Variants in PIAS4 observed in about 807,000 individuals in gnomAD.
The protein encoded by PIAS4 is protein inhibitor of activated STAT 4.
Under a neutral mutation model 58.0 loss-of-function variants are expected in PIAS4, and 7 were observed. The ratio of observed to expected loss-of-function variants is 0.12; its 90% CI spans 0.07 to 0.23. PIAS4 has a LOEUF of 0.23. PIAS4 is among the 10% of genes least tolerant of loss of function. The pLI, the probability that PIAS4 is intolerant of heterozygous loss-of-function variation, is 1.00. For missense variants in PIAS4, 550 were observed against 709.5 expected (o/e 0.78, Z 2.55); for synonymous variants, 364 against 312.4 (o/e 1.17, Z -1.74).
intron 2 of PIAS4, among the ~76,000 whole-genome samples, chr19:4,023,293 A>G (rs374145712): frequency 2.4e-4 from 37 of 152,140 alleles, no homozygotes; most frequent in East Asian, 1.9e-3. Context: ...AGCCTGGCCA[A>G]CATGGCGAAA....
chr19:4,035,722 C>G (rs903119952), intron 9 of PIAS4, among the ~76,000 whole-genome samples: 7 of 125,134 alleles, frequency 5.6e-5, no homozygotes, highest in African/African-American at 2.1e-4. Flanking sequence ...CCCACACCCG[C>G]ATGCCCACAC....
chr19:4,036,437 TACAAAC>T (rs2040287477), intron 9 of PIAS4, among the ~76,000 whole-genome samples: 2 of 114,618 alleles, frequency 1.7e-5, no homozygotes, highest in Admixed American at 8.9e-5. Context: ...CACACTGTCA[TACAAAC>T]ACACACACAT....
rs186845870 is a variant in PIAS4, at chr19:4,033,064, A to T, written c.908-36A>T. 1,639 of 1,576,526 alleles carry T rather than the reference A, an allele frequency of 1.0e-3. 18 individuals carry two copies. In the African/African-American group the frequency reaches 0.019, roughly 19 times the overall value. On this transcript the variant is annotated intron_variant, in intron 7 of 10. Transcript: ENST00000262971. ...CACAGCCCCGCGCCCTGCTGTTCCC[A>T]CCCTCCTGACGGTGTCTTCCGTTCC...
chr19:4,008,365 G>GA (rs2039963008), intron 1 of PIAS4, among the ~76,000 whole-genome samples: 1 of 152,040 alleles, frequency 6.6e-6, no homozygotes, highest in African/African-American at 2.4e-5. Context: ...AGGGCCCTGA[G>GA]ACCACCCCCA....
At position 4,033,592 on chromosome 19, in the gene PIAS4, G is replaced by A. The variant is rs768014732; in HGVS notation, c.1142+12G>A. 2.5e-6 allele frequency: 4 copies of A among 1,591,128 alleles called. No individual in the cohort carries two copies. In the Admixed American group the frequency reaches 5.2e-5, roughly 21 times the overall value. On this transcript the variant is annotated intron_variant, in intron 9 of 10. Coordinates refer to ENST00000262971, the MANE Select transcript of PIAS4 (RefSeq NM_015897.4). ...CTCATCATCGACGGGTGAGCCCGGGGCCCCGGGGAGGGCGGCCGGAGCCGG... is the reference window on the plus strand; with the variant it reads ...CTCATCATCGACGGGTGAGCCCGGGACCCCGGGGAGGGCGGCCGGAGCCGG...
intron 9 of PIAS4, among the ~76,000 whole-genome samples, chr19:4,034,995 C>G (rs963292682): frequency 6.6e-6 from 1 of 152,128 alleles, no homozygotes; most frequent in African/African-American, 2.4e-5. Context: ...ATAAACGTTC[C>G]CGTTGCTGTG....
Position 4,037,573 on chromosome 19 carries a change from G to T in PIAS4, c.1274-43G>T, listed in dbSNP as rs745893168. 1 of 1,607,440 alleles carries T rather than the reference G, an allele frequency of 6.2e-7. No individual in the cohort carries two copies. Among genetic ancestry groups the T allele is most frequent in the Admixed American group, 1.7e-5 (1 of 60,000 alleles). On this transcript the variant is annotated intron_variant, in intron 10 of 10. Coordinates refer to ENST00000262971, the MANE Select transcript of PIAS4 (RefSeq NM_015897.4). The surrounding 1 kb of genome is among the most constrained non-coding windows in gnomAD (Gnocchi z 5.8). Reference sequence around the variant, plus strand: ...CGCCTCAGTTTCCCCATTTATCAGTGGTTGCATCCTAAGTACCTGCACCCT... The same window carrying T: ...CGCCTCAGTTTCCCCATTTATCAGTTGTTGCATCCTAAGTACCTGCACCCT...
chr19:4,030,505 G>A (rs1468687533), intron 7 of PIAS4, among the ~76,000 whole-genome samples: 2 of 151,972 alleles, frequency 1.3e-5, no homozygotes, highest in African/African-American at 4.8e-5. Context: ...TGTAGTCCCA[G>A]CTACTCGGGA....
intron 4 of PIAS4, 131 bp downstream of exon 4, chr19:4,028,318 G>C: frequency 2.4e-6 from 2 of 844,268 alleles, no homozygotes; most frequent in Non-Finnish European, 3.8e-6. Context: ...CTCACCTGCT[G>C]TCTATCCCTG....
chr19:4,008,141 C>T (rs928545142), intron 1 of PIAS4, among the ~76,000 whole-genome samples: 8 of 152,096 alleles, frequency 5.3e-5, no homozygotes, highest in East Asian at 1.9e-4. Context: ...ACGTGTTGAG[C>T]TACTCGTTGC....
chr19:4,022,692 G>T (rs894176662), intron 2 of PIAS4, among the ~76,000 whole-genome samples: 8 of 151,096 alleles, frequency 5.3e-5, no homozygotes, highest in African/African-American at 1.9e-4. Flanking sequence ...GTTTTTTTGG[G>T]TTTTTTTGGA....
chr19:4,030,083 A>G (rs550590892), intron 7 of PIAS4, among the ~76,000 whole-genome samples: 9 of 151,104 alleles, frequency 6.0e-5, no homozygotes, highest in South Asian at 2.1e-4. Context: ...CGGCCTCCCA[A>G]AGTGCTGGGA....
intron 8 of PIAS4, 96 bp downstream of exon 8, chr19:4,033,269 G>GT: frequency 7.2e-7 from 1 of 1,382,368 alleles, no homozygotes; most frequent in Non-Finnish European, 1.0e-6. Context: ...TGGGCCGTGA[G>GT]CCTGCGGGGG....
intron 1 of PIAS4, among the ~76,000 whole-genome samples, chr19:4,008,698 C>T (rs1317706652): frequency 2.6e-5 from 4 of 152,196 alleles, no homozygotes; most frequent in African/African-American, 9.7e-5. Flanking sequence ...ACCTGTGCAG[C>T]ATCAGATACT....
Position 4,037,267 on chromosome 19 carries a change from A to G in PIAS4, c.1143-107A>G, listed in dbSNP as rs2040308184. 1 of 1,385,274 alleles carries G rather than the reference A, an allele frequency of 7.2e-7. No individual in the cohort carries two copies. The highest frequency in any genetic ancestry group is 9.6e-7 in the Non-Finnish European group (1 of 1,036,284). The allele number at this position is 1,385,274 out of a possible 1,614,324, so 85.8% of individuals were successfully genotyped here. A position where few individuals can be genotyped will look rare whatever the true frequency, so the allele number is the denominator to read the frequency against. ...GTCGGGGTGGTGAGGCTGCTCTTGC[A>G]GAGAGAAGTGGGGAGTGCCTGGCTG... On this transcript the variant is annotated intron_variant, in intron 9 of 10. Coordinates refer to ENST00000262971, the MANE Select transcript of PIAS4 (RefSeq NM_015897.4). The surrounding 1 kb of genome is among the most constrained non-coding windows in gnomAD (Gnocchi z 5.8).
intron 2 of PIAS4, among the ~76,000 whole-genome samples, chr19:4,019,649 G>A (rs947858848): frequency 3.7e-4 from 57 of 152,332 alleles, no homozygotes; most frequent in Middle Eastern, 3.4e-3. Context: ...AGACCTGGGC[G>A]CGTCTGCAGG....
At chr19:4,008,315 G>A (rs928025074) in intron 1 of PIAS4, among the ~76,000 whole-genome samples, 2 of 152,084 alleles carry the variant, frequency 1.3e-5, no homozygotes, top group Non-Finnish European at 2.9e-5. Flanking sequence ...GGTCCCCCGA[G>A]TCCTGGATAG....
chr19:4,034,680 G>A (rs2040257802), intron 9 of PIAS4, among the ~76,000 whole-genome samples: 1 of 152,252 alleles, frequency 6.6e-6, no homozygotes, highest in African/African-American at 2.4e-5. Context: ...TTCCCCCACA[G>A]GCCCGGAGTG....
intron 7 of PIAS4, among the ~76,000 whole-genome samples, chr19:4,032,067 T>C (rs977031931): frequency 7.2e-5 from 11 of 151,818 alleles, no homozygotes; most frequent in Non-Finnish European, 1.5e-4. Context: ...AGCCCACTGC[T>C]CCACACCCCG....
Sources: allele counts gnomAD v4.1 joint callset (sites outside exome capture counted in the v4.1 genomes callset), GRCh38; gene constraint gnomAD v4.1.1; non-coding constraint Gnocchi (gnomAD v3.1); transcripts MANE v1.5; gene names NCBI Gene and HGNC (gene_info 2026-07-23, HGNC 2026-07-21).